The following SPEF2 variants were observed in gnomAD, a reference collection of about 807,000 sequenced individuals.
The protein encoded by SPEF2 is sperm flagella and cilia-associated protein 2.
Under a neutral mutation model 224.6 loss-of-function variants are expected in SPEF2, and 187 were observed. That is an observed-to-expected ratio of 0.83 (90% CI 0.74 to 0.94). The LOEUF (loss-of-function observed/expected upper bound fraction) is 0.94. Ranked by LOEUF, SPEF2 falls within the 40% of genes least tolerant of loss-of-function variation. The pLI is 0.00. For missense variants in SPEF2, 2,170 were observed against 2,135.6 expected (o/e 1.02, Z -0.32); for synonymous variants, 715 against 707.3 (o/e 1.01, Z -0.17).
In SPEF2 at chr5:35,793,209, G is replaced by A. The variant is rs755698487; in HGVS notation, c.4605G>A (p.Trp1535Ter). Residue 1535 changes from tryptophan to a stop codon, truncating the protein, a stop_gained, in exon 32 of 37, where the codon TGG becomes TGA. Coordinates refer to ENST00000356031, the MANE Select transcript of SPEF2 (RefSeq NM_024867.4). LOFTEE classifies it high-confidence loss of function. ...LLTVNSEFVD[W>*]RKFLLVTSMP... is the part of the protein sequence containing the mutation. ...CAGTCAACTCCGAGTTCGTGGACTG[G>A]CGGAAGTTCCTGTTAGTAACCTCAA... is the stretch of plus-strand genomic sequence containing the variant. The A allele has an allele frequency of 2.5e-6, 4 of 1,614,118 alleles. No individual in the cohort carries two copies. The highest frequency in any genetic ancestry group is 3.4e-6 in the Non-Finnish European group (4 of 1,180,010).
intron 7 of SPEF2, among the ~76,000 whole-genome samples, chr5:35,655,989 T>C (rs1467774059): frequency 6.6e-6 from 1 of 152,126 alleles, no homozygotes; most frequent in Admixed American, 6.5e-5. Flanking sequence ...GTAGTGGCAA[T>C]AGGGATTGAG....
At position 35,773,874 on chromosome 5, in the gene SPEF2, T is replaced by C. The variant is rs1204363551; in HGVS notation, c.3950-19T>C. 1 of 1,607,654 alleles carries C rather than the reference T, an allele frequency of 6.2e-7. No homozygotes were observed. The highest frequency in any genetic ancestry group is 1.7e-5 in the Admixed American group (1 of 58,894). ...TTGTATTTTGTTAGTTTACTCAGCA[T>C]GTTTCATTGCCCTTTCAGGTAAATC... On this transcript the variant is annotated intron_variant, in intron 27 of 36. Coordinates refer to ENST00000356031, the MANE Select transcript of SPEF2 (RefSeq NM_024867.4).
At chr5:35,678,214 G>C (rs112083374) in intron 10 of SPEF2, among the ~76,000 whole-genome samples, 2 of 152,228 alleles carry the variant, frequency 1.3e-5, no homozygotes, top group African/African-American at 4.8e-5. Context: ...GAACAGAAGT[G>C]ATCAGATTAC....
chr5:35,702,776 A>G (rs1027589421), intron 16 of SPEF2, among the ~76,000 whole-genome samples: 3 of 152,238 alleles, frequency 2.0e-5, no homozygotes, highest in African/African-American at 7.2e-5. Context: ...TTTGGAGCCA[A>G]TTATAGAATC....
intron 18 of SPEF2, among the ~76,000 whole-genome samples, chr5:35,708,673 A>T: frequency 6.6e-6 from 1 of 152,072 alleles, no homozygotes; most frequent in East Asian, 1.9e-4. Context: ...CACCAGCACC[A>T]TCACCACCTC....
intron 16 of SPEF2, 144 bp downstream of exon 16, chr5:35,700,896 T>G: frequency 1.0e-6 from 1 of 982,524 alleles, no homozygotes; most frequent in Non-Finnish European, 1.5e-6. Context: ...TGAGCACAGT[T>G]GCCTCTTGCT....
intron 20 of SPEF2, 40 bp from the exon 21 acceptor site, chr5:35,727,635 C>A (rs1471943855): frequency 1.1e-5 from 17 of 1,557,222 alleles, no homozygotes; most frequent in Non-Finnish European, 1.4e-5. Context: ...CTGTCCCATT[C>A]ATTTACTTGT....
chr5:35,809,551 G>T (rs1758411309), intron 36 of SPEF2, among the ~76,000 whole-genome samples: 1 of 152,062 alleles, frequency 6.6e-6, no homozygotes, highest in African/African-American at 2.4e-5. Context: ...TGAAGGCAAG[G>T]TCTGGGGAAG....
At chr5:35,764,726 A>G in intron 26 of SPEF2, 1 of 456,174 alleles carries the variant, frequency 2.2e-6, no homozygotes, top group East Asian at 7.0e-5. Context: ...GCACTTTCCA[A>G]GTCCCTTCTT....
chr5:35,671,384 A>G (rs1041884105), intron 10 of SPEF2: 4 of 965,524 alleles, frequency 4.1e-6, no homozygotes, highest in Non-Finnish European at 4.9e-6. Flanking sequence ...TAGCACTAAG[A>G]GAATTATTAT....
chr5:35,657,176 A>C (rs1019007304), intron 7 of SPEF2, among the ~76,000 whole-genome samples: 1 of 152,218 alleles, frequency 6.6e-6, no homozygotes, highest in Non-Finnish European at 1.5e-5. Context: ...TTTGCACTTA[A>C]TCCATCAGAA....
intron 19 of SPEF2, chr5:35,709,786 G>A (rs1740733138): frequency 2.0e-6 from 2 of 985,206 alleles, no homozygotes; most frequent in African/African-American, 3.5e-5. Context: ...GTGCTTAATT[G>A]TTGTAATGCA....
At chr5:35,709,257 G>A (rs1740624519) in intron 19 of SPEF2, 136 bp downstream of exon 19, 9 of 1,476,914 alleles carry the variant, frequency 6.1e-6, no homozygotes, top group Non-Finnish European at 8.0e-6. Context: ...CACTCAGATG[G>A]AAGTGGAAAA....
chr5:35,622,973 C>G (rs1184924318), intron 1 of SPEF2, among the ~76,000 whole-genome samples: 1 of 152,154 alleles, frequency 6.6e-6, no homozygotes, highest in Non-Finnish European at 1.5e-5. Flanking sequence ...CAATCCTATT[C>G]TTTTACCAAA....
intron 2 of SPEF2, among the ~76,000 whole-genome samples, chr5:35,637,189 G>C (rs1026734690): frequency 3.9e-5 from 6 of 151,954 alleles, no homozygotes; most frequent in African/African-American, 1.2e-4. Context: ...ATGACAAAAA[G>C]CTCTCTTTTC....
intron 6 of SPEF2, among the ~76,000 whole-genome samples, chr5:35,650,374 A>G (rs1335239405): frequency 6.6e-6 from 1 of 152,098 alleles, no homozygotes; most frequent in Non-Finnish European, 1.5e-5. Flanking sequence ...CTGTAAAAAC[A>G]ACATAATCCA....
At chr5:35,773,839 G>C (rs1477927283) in intron 27 of SPEF2, 54 bp from the exon 28 acceptor site, 1 of 1,576,030 alleles carries the variant, frequency 6.3e-7, no homozygotes, top group Non-Finnish European at 8.6e-7. Context: ...CAAGTACTAT[G>C]TGCACACCTT....
intron 23 of SPEF2, among the ~76,000 whole-genome samples, chr5:35,747,392 A>G (rs961320308): frequency 4.6e-5 from 7 of 152,184 alleles, no homozygotes; most frequent in African/African-American, 1.7e-4. Context: ...AAGATACAGA[A>G]CTGCAGAATG....
In SPEF2 at chr5:35,771,736, A is replaced by G. The variant is rs1305987821; in HGVS notation, c.3929A>G (p.Gln1310Arg). 2 of 1,591,778 alleles carry G rather than the reference A, an allele frequency of 1.3e-6. No individual in the cohort carries two copies. Among genetic ancestry groups the G allele is most frequent in the Non-Finnish European group, 1.7e-6 (2 of 1,174,608 alleles). ...KVKKEPPKKK[Q>R]EDKKPKGKSP... ...AAAAAGGAGCCACCCAAGAAAAAAC[A>G]GGAAGACAAAAAACCCAAAGGTATT... is the stretch of plus-strand genomic sequence containing the variant. The change falls in exon 27 of 37, where the codon CAG becomes CGG. Residue 1310 changes from glutamine (Q) to arginine (R), a missense_variant. Transcript: ENST00000356031.
Sources: gnomAD v4.1 joint callset for allele counts (sites outside exome capture counted in the v4.1 genomes callset) on GRCh38, gnomAD v4.1.1 for gene constraint, MANE v1.5 for transcripts, NCBI Gene and HGNC (gene_info 2026-07-23, HGNC 2026-07-21) for gene names.